Variants in MRTFB observed in about 807,000 individuals in gnomAD.
The protein encoded by MRTFB is myocardin-related transcription factor B.
In MRTFB, 29 loss-of-function variants were observed where a neutral mutation model predicts 104.2. The observed-to-expected ratio is 0.28, with a 90% CI of 0.21 to 0.38. MRTFB has a LOEUF of 0.38. MRTFB is among the 10% of genes least tolerant of loss of function. MRTFB has a pLI of 1.00. For synonymous variants in MRTFB, 535 were observed against 519.5 expected (o/e 1.03, Z -0.41); for missense variants, 1,270 against 1,341.6 (o/e 0.95, Z 0.83).
chr16:13,999,491 G>A, the MRTFB span, among the ~76,000 whole-genome samples: 1 of 145,410 alleles, frequency 6.9e-6, no homozygotes, highest in Non-Finnish European at 1.5e-5. Flanking sequence ...ATCGTCTAGA[G>A]CCTTCTGGCA....
At chr16:14,057,374 T>G in the MRTFB span, among the ~76,000 whole-genome samples, 1 of 152,186 alleles carries the variant, frequency 6.6e-6, no homozygotes, top group South Asian at 2.1e-4. Flanking sequence ...GGGGGCACCT[T>G]ACCTCTTGTC....
chr16:14,085,905 T>C (rs1052615942), intron 2 of MRTFB, among the ~76,000 whole-genome samples: 3 of 152,232 alleles, frequency 2.0e-5, no homozygotes, highest in African/African-American at 7.2e-5. Context: ...CCAACTCTGC[T>C]TTTTTGTTTG....
intron 3 of MRTFB, chr16:14,151,998 T>C (rs972523426): frequency 1.3e-5 from 2 of 152,176 alleles, no homozygotes; most frequent in African/African-American, 2.4e-5. Context: ...TTTCTCCTTA[T>C]GTGCTTGTTC....
intron 6 of MRTFB, among the ~76,000 whole-genome samples, chr16:14,214,589 G>A (rs1445079867): frequency 1.3e-5 from 2 of 152,202 alleles, no homozygotes; most frequent in African/African-American, 4.8e-5. Context: ...TCATTGGCCA[G>A]TGTGCTAGAC....
chr16:13,997,474 C>T, the MRTFB span, among the ~76,000 whole-genome samples: 1 of 152,052 alleles, frequency 6.6e-6, no homozygotes, highest in Non-Finnish European at 1.5e-5. Context: ...ATTGCCCTGC[C>T]CTGAAAAAGT....
chr16:14,177,866 T>G lies in MRTFB; in HGVS notation c.155-32377T>G, dbSNP rs2039635923. Among the ~76,000 whole-genome samples, 1 of 151,398 alleles carries G rather than the reference T, an allele frequency of 6.6e-6. No homozygotes were observed. Reference sequence around the variant, plus strand: ...GAAAAGAAAACTCATTTAGAAACTATTATTTAGAAAGCGAGAAGTACATGA... The same window carrying G: ...GAAAAGAAAACTCATTTAGAAACTAGTATTTAGAAAGCGAGAAGTACATGA... On this transcript the variant is annotated intron_variant, in intron 3 of 16. Coordinates refer to ENST00000571589, the MANE Select transcript of MRTFB (RefSeq NM_001308142.2). The surrounding 1 kb of genome is among the most constrained non-coding windows in gnomAD (Gnocchi z 4.7).
the MRTFB span, among the ~76,000 whole-genome samples, chr16:13,995,800 A>G: frequency 6.6e-6 from 1 of 152,118 alleles, no homozygotes; most frequent in Non-Finnish European, 1.5e-5. Flanking sequence ...AGATCTAGTG[A>G]GAACTCATGA....
At chr16:14,044,649 T>C in the MRTFB span, among the ~76,000 whole-genome samples, 6 of 152,138 alleles carry the variant, frequency 3.9e-5, no homozygotes, top group Non-Finnish European at 7.4e-5. Flanking sequence ...CCAATCTTCC[T>C]CCCAAGTTTT....
At chr16:14,072,639 T>G (rs976387656) in intron 1 of MRTFB, among the ~76,000 whole-genome samples, 3 of 152,160 alleles carry the variant, frequency 2.0e-5, no homozygotes, top group African/African-American at 7.2e-5. Context: ...GAGCTGTGAT[T>G]GCACCACTGC....
At chr16:14,158,765 C>T (rs2038921617) in intron 3 of MRTFB, among the ~76,000 whole-genome samples, 1 of 152,112 alleles carries the variant, frequency 6.6e-6, no homozygotes, top group Admixed American at 6.6e-5. Flanking sequence ...AGTCAACCAT[C>T]TACCTTGTTG....
At chr16:14,122,613 C>G (rs1488165113) in intron 2 of MRTFB, among the ~76,000 whole-genome samples, 1 of 152,174 alleles carries the variant, frequency 6.6e-6, no homozygotes, top group Non-Finnish European at 1.5e-5. Context: ...AGGATATGAA[C>G]TCATCCTTTT....
chr16:14,029,445 T>TACACACAC, the MRTFB span, among the ~76,000 whole-genome samples: 882 of 85,910 alleles, frequency 0.01, 7 homozygotes, highest in African/African-American at 0.021. Context: ...TATATATATA[T>TACACACAC]ACACACACAC....
At chr16:14,151,522 C>T (rs1454919106) in intron 3 of MRTFB, 1 of 152,178 alleles carries the variant, frequency 6.6e-6, no homozygotes, top group East Asian at 1.9e-4. Context: ...TCAGAATTTT[C>T]ACCATGATGT....
the MRTFB span, among the ~76,000 whole-genome samples, chr16:14,046,227 G>A: frequency 6.6e-6 from 1 of 152,140 alleles, no homozygotes; most frequent in African/African-American, 2.4e-5. Flanking sequence ...TCCGGAGGCC[G>A]AGATGGGAGG....
the MRTFB span, among the ~76,000 whole-genome samples, chr16:14,049,136 C>A: frequency 1.3e-5 from 2 of 152,180 alleles, no homozygotes; most frequent in Non-Finnish European, 2.9e-5. Flanking sequence ...CTGCTAAACA[C>A]CCTACAGCTC....
intron 3 of MRTFB, among the ~76,000 whole-genome samples, chr16:14,206,450 G>A (rs2040944691): frequency 6.6e-6 from 1 of 152,216 alleles, no homozygotes; most frequent in African/African-American, 2.4e-5. Flanking sequence ...AAAATTATAA[G>A]TCTATACCTA....
chr16:14,149,759 C>T (rs1280022708), intron 3 of MRTFB, among the ~76,000 whole-genome samples: 3 of 152,016 alleles, frequency 2.0e-5, no homozygotes, highest in African/African-American at 2.4e-5. Context: ...ACTTGTTACA[C>T]AAAGATCTTT....
intron 3 of MRTFB, among the ~76,000 whole-genome samples, chr16:14,188,163 A>G (rs975160262): frequency 3.3e-5 from 5 of 152,208 alleles, no homozygotes; most frequent in Non-Finnish European, 5.9e-5. Flanking sequence ...TAGGAACCAA[A>G]CAATGGAGTT....
At chr16:14,012,960 C>G in the MRTFB span, 1 of 152,226 alleles carries the variant, frequency 6.6e-6, no homozygotes, top group Admixed American at 6.5e-5. Flanking sequence ...TATCCTCCCC[C>G]AGTCTTCCCA....
Sources: allele counts gnomAD v4.1 joint callset (sites outside exome capture counted in the v4.1 genomes callset), GRCh38; gene constraint gnomAD v4.1.1; non-coding constraint Gnocchi (gnomAD v3.1); transcripts MANE v1.5; gene names NCBI Gene and HGNC (gene_info 2026-07-23, HGNC 2026-07-21).